The following LRRC4C variants were observed in gnomAD, a reference collection of about 807,000 sequenced individuals.
The protein encoded by LRRC4C is leucine rich repeat containing 4C, also known as leucine-rich repeat-containing protein 4C.
LRRC4C carries 5 observed loss-of-function variants against 33.6 expected under a neutral mutation model. The observed-to-expected ratio is 0.15, with a 90% CI of 0.08 to 0.31. The LOEUF is 0.31. LRRC4C is among the 10% of genes least tolerant of loss of function. LRRC4C has a pLI of 1.00. For synonymous variants in LRRC4C, 329 were observed against 302.0 expected (o/e 1.09, Z -0.93); for missense variants, 560 against 796.7 (o/e 0.70, Z 3.58).
At chr11:41,076,347 ACTAT>A (rs1939148428) in intron 1 of LRRC4C, among the ~76,000 whole-genome samples, 1 of 152,206 alleles carries the variant, frequency 6.6e-6, no homozygotes, top group African/African-American at 2.4e-5. Context: ...GCTATAAAGA[ACTAT>A]CTAAGACTGG....
intron 3 of LRRC4C, among the ~76,000 whole-genome samples, chr11:40,473,192 C>T (rs1953029995): frequency 6.6e-6 from 1 of 152,152 alleles, no homozygotes; most frequent in African/African-American, 2.4e-5. Context: ...AACATCAATG[C>T]AAAAACCTCA....
chr11:40,910,743 C>T (rs530615942), intron 2 of LRRC4C, among the ~76,000 whole-genome samples: 12 of 152,156 alleles, frequency 7.9e-5, no homozygotes, highest in African/African-American at 1.2e-4. Context: ...CGGAGCAAGG[C>T]GAGGCATCAC....
intron 1 of LRRC4C, among the ~76,000 whole-genome samples, chr11:41,458,015 T>C (rs1244760414): frequency 6.6e-6 from 1 of 152,284 alleles, no homozygotes; most frequent in South Asian, 2.1e-4. Flanking sequence ...AATATATATA[T>C]ATAATCAACG....
At chr11:41,156,468 C>A (rs1944237311) in intron 1 of LRRC4C, among the ~76,000 whole-genome samples, 1 of 152,006 alleles carries the variant, frequency 6.6e-6, no homozygotes, top group African/African-American at 2.4e-5. Flanking sequence ...TAAAATCATT[C>A]CCACTTAACA....
At chr11:40,755,712 C>G (rs1256479077) in intron 2 of LRRC4C, among the ~76,000 whole-genome samples, 1 of 151,922 alleles carries the variant, frequency 6.6e-6, no homozygotes, top group East Asian at 1.9e-4. Flanking sequence ...TCTTCCAGTC[C>G]AAATATTCAT....
At chr11:41,010,789 G>A (rs1855115550) in intron 1 of LRRC4C, among the ~76,000 whole-genome samples, 1 of 152,096 alleles carries the variant, frequency 6.6e-6, no homozygotes, top group Non-Finnish European at 1.5e-5. Context: ...ACATGGCTAT[G>A]TCTGTGGCTG....
At chr11:40,777,168 T>C (rs1950033012) in intron 2 of LRRC4C, among the ~76,000 whole-genome samples, 1 of 152,212 alleles carries the variant, frequency 6.6e-6, no homozygotes, top group South Asian at 2.1e-4. Flanking sequence ...TAGAGTATGT[T>C]CCATGTGCAC....
chr11:40,518,736 G>A (rs1027779793), intron 3 of LRRC4C, among the ~76,000 whole-genome samples: 7 of 152,048 alleles, frequency 4.6e-5, no homozygotes, highest in African/African-American at 1.4e-4. Flanking sequence ...TTGACCCAGC[G>A]ATCTCATTAC....
At chr11:41,022,603 T>C (rs987669560) in intron 1 of LRRC4C, among the ~76,000 whole-genome samples, 1 of 151,966 alleles carries the variant, frequency 6.6e-6, no homozygotes, top group African/African-American at 2.4e-5. Context: ...GATATAATAG[T>C]ACACATCCTG....
chr11:40,491,724 T>G (rs2138519610), intron 3 of LRRC4C, among the ~76,000 whole-genome samples: 1 of 152,306 alleles, frequency 6.6e-6, no homozygotes, highest in South Asian at 2.1e-4. Flanking sequence ...TGCTTCCTAT[T>G]TAATAACTCA....
chr11:40,194,497 AT>A (rs1349187521), intron 5 of LRRC4C, among the ~76,000 whole-genome samples: 2 of 152,066 alleles, frequency 1.3e-5, no homozygotes, highest in Non-Finnish European at 2.9e-5. Flanking sequence ...GGAAACCATC[AT>A]TCTCAGCAAA....
At chr11:41,130,251 C>T (rs964277322) in intron 1 of LRRC4C, among the ~76,000 whole-genome samples, 1 of 151,860 alleles carries the variant, frequency 6.6e-6, no homozygotes, top group Non-Finnish European at 1.5e-5. Flanking sequence ...ATTGCTAATT[C>T]CTATGTTCTA....
chr11:41,210,318 G>A (rs964185583), intron 1 of LRRC4C, among the ~76,000 whole-genome samples: 6 of 152,172 alleles, frequency 3.9e-5, no homozygotes, highest in South Asian at 2.1e-4. Flanking sequence ...TCATGGGGGC[G>A]GTTTTCCCCA....
At chr11:41,149,813 T>C (rs961140812) in intron 1 of LRRC4C, among the ~76,000 whole-genome samples, 2 of 152,122 alleles carry the variant, frequency 1.3e-5, no homozygotes, top group African/African-American at 4.8e-5. Flanking sequence ...TTAAGAGTAG[T>C]TGGAAAAGCA....
At chr11:41,234,335 C>T (rs1947930202) in intron 1 of LRRC4C, among the ~76,000 whole-genome samples, 1 of 151,992 alleles carries the variant, frequency 6.6e-6, no homozygotes. Flanking sequence ...TAACATATTA[C>T]ATTACCTCAT....
intron 2 of LRRC4C, among the ~76,000 whole-genome samples, chr11:40,855,151 G>C (rs1459050954): frequency 1.3e-5 from 2 of 152,098 alleles, no homozygotes; most frequent in Non-Finnish European, 2.9e-5. Context: ...ATTATGAAAG[G>C]AGATACTTCT....
chr11:40,286,499 C>A (rs1230647884), intron 4 of LRRC4C, among the ~76,000 whole-genome samples: 2 of 152,108 alleles, frequency 1.3e-5, no homozygotes, highest in African/African-American at 2.4e-5. Context: ...ACATTGAAAA[C>A]CATGATCAAA....
Position 40,862,416 on chromosome 11 carries a change from G to T in LRRC4C, c.-407+71219C>A, listed in dbSNP as rs74747378. Among the ~76,000 whole-genome samples, 269 of 152,226 alleles carry T rather than the reference G, an allele frequency of 1.8e-3. 1 individual carries two copies. Among genetic ancestry groups the T allele is most frequent in the African/African-American group, 6.3e-3 (262 of 41,528 alleles). ...ATTTGTAGGAGGCAAAGAATCATTT[G>T]TTCAGAATATTTTAAAGAAAATGGA... On this transcript the variant is annotated intron_variant, in intron 2 of 6. Transcript: ENST00000528697.
At chr11:40,349,811 C>G (rs1393316675) in intron 3 of LRRC4C, among the ~76,000 whole-genome samples, 1 of 152,106 alleles carries the variant, frequency 6.6e-6, no homozygotes, top group Non-Finnish European at 1.5e-5. Context: ...ATTTGCATTT[C>G]TCTGATGATC....
Sources: gnomAD v4.1 joint callset for allele counts (sites outside exome capture counted in the v4.1 genomes callset) on GRCh38, gnomAD v4.1.1 for gene constraint, MANE v1.5 for transcripts, NCBI Gene and HGNC (gene_info 2026-07-23, HGNC 2026-07-21) for gene names.